Variants in P3H2 observed in about 807,000 individuals in gnomAD.
P3H2 encodes prolyl 3-hydroxylase 2.
Under a neutral mutation model 87.0 loss-of-function variants are expected in P3H2, and 80 were observed. The ratio of observed to expected loss-of-function variants is 0.92; its 90% CI spans 0.77 to 1.11. The LOEUF (loss-of-function observed/expected upper bound fraction) is 1.11, where lower values mean the gene tolerates loss of function less well. Ranked by LOEUF, P3H2 falls within the 50% of genes least tolerant of loss-of-function variation. The probability of loss-of-function intolerance (pLI) is 0.00; values close to 1 mark genes in which losing one functional copy is unlikely to be tolerated. For missense variants in P3H2, 1,001 were observed against 923.9 expected (o/e 1.08, Z -1.08); for synonymous variants, 367 against 359.3 (o/e 1.02, Z -0.24).
At chr3:190,068,885 TA>T (rs1359020712) in intron 1 of P3H2, among the ~76,000 whole-genome samples, 1 of 152,180 alleles carries the variant, frequency 6.6e-6, no homozygotes, top group Admixed American at 6.6e-5. Context: ...ATAAGACTTT[TA>T]CAAAAAAATT....
chr3:190,012,698 C>G (rs927595358), intron 1 of P3H2, among the ~76,000 whole-genome samples: 2 of 152,162 alleles, frequency 1.3e-5, no homozygotes, highest in African/African-American at 2.4e-5. Flanking sequence ...ACAACTAAAT[C>G]CCATATGATC....
At chr3:190,007,530 A>G (rs2108931915) in intron 1 of P3H2, among the ~76,000 whole-genome samples, 1 of 152,220 alleles carries the variant, frequency 6.6e-6, no homozygotes, top group South Asian at 2.1e-4. Context: ...ATATCGAGCA[A>G]AGTCTTCACT....
intron 13 of P3H2, 117 bp downstream of exon 13, chr3:189,970,699 C>A: frequency 1.4e-6 from 1 of 701,188 alleles, no homozygotes; most frequent in South Asian, 1.6e-5. Flanking sequence ...ACTCTCTTAA[C>A]CTCTTGAAAT....
chr3:190,051,731 T>C (rs1725990237), intron 1 of P3H2, among the ~76,000 whole-genome samples: 1 of 152,244 alleles, frequency 6.6e-6, no homozygotes, highest in Non-Finnish European at 1.5e-5. Flanking sequence ...CAAGATCTAA[T>C]CTGCCAGGTT....
chr3:189,972,089 A>G, intron 11 of P3H2, 82 bp from the exon 12 acceptor site: 1 of 853,244 alleles, frequency 1.2e-6, no homozygotes, highest in South Asian at 1.4e-5. Flanking sequence ...CTCTTCTCCC[A>G]GTCCTGATGA....
intron 1 of P3H2, among the ~76,000 whole-genome samples, chr3:190,034,039 A>G (rs1560371391): frequency 6.6e-6 from 1 of 152,240 alleles, no homozygotes; most frequent in Non-Finnish European, 1.5e-5. Context: ...CACGTTACAG[A>G]ATACTTTCGT....
intron 6 of P3H2, among the ~76,000 whole-genome samples, chr3:189,984,951 A>G (rs1470576482): frequency 1.3e-5 from 2 of 152,136 alleles, no homozygotes; most frequent in African/African-American, 4.8e-5. Flanking sequence ...CAAGCAAACA[A>G]AATTGAGCTT....
intron 1 of P3H2, among the ~76,000 whole-genome samples, chr3:190,068,292 A>G (rs565225121): frequency 7.9e-5 from 12 of 152,268 alleles, no homozygotes; most frequent in Non-Finnish European, 1.6e-4. Flanking sequence ...AACAATAGCT[A>G]AGTAACAAGT....
At chr3:189,970,604 C>G (rs186568828) in intron 13 of P3H2, among the ~76,000 whole-genome samples, 1 of 152,054 alleles carries the variant, frequency 6.6e-6, no homozygotes, top group East Asian at 1.9e-4. Context: ...TGATTAATAT[C>G]TCAATTCTTT....
intron 1 of P3H2, among the ~76,000 whole-genome samples, chr3:190,103,559 A>G (rs1315403661): frequency 1.3e-5 from 2 of 152,204 alleles, no homozygotes; most frequent in Admixed American, 1.3e-4. Flanking sequence ...TGAAGAGTTA[A>G]ATCACAGTGT....
chr3:190,075,482 T>C (rs1482929994), intron 1 of P3H2, among the ~76,000 whole-genome samples: 1 of 131,960 alleles, frequency 7.6e-6, no homozygotes, highest in Non-Finnish European at 1.6e-5. Flanking sequence ...GGAAACTCCG[T>C]CTCAAAAAAA....
intron 1 of P3H2, among the ~76,000 whole-genome samples, chr3:190,102,282 T>C (rs899809796): frequency 6.6e-6 from 1 of 152,210 alleles, no homozygotes; most frequent in Non-Finnish European, 1.5e-5. Context: ...ATGACTGCCA[T>C]AGATAGTAAT....
chr3:190,066,143 G>GTATATATATATA (rs60898721), intron 1 of P3H2, among the ~76,000 whole-genome samples: 38 of 138,802 alleles, frequency 2.7e-4, no homozygotes, highest in African/African-American at 1.0e-3. Context: ...ACTGTGGTGT[G>GTATATATATATA]TATATATATA....
rs188540516 is a variant in P3H2 at position 189,993,065 on chromosome 3, G to A, written c.823+1029C>T. Among the ~76,000 whole-genome samples, 34 of 152,092 alleles carry A rather than the reference G, an allele frequency of 2.2e-4. No individual in the cohort carries two copies. The East Asian group carries it at 3.7e-3, about 16-fold the overall frequency. ...CTGCTGGGCGTGCTGGCTCACGCCC[G>A]TAATCCCAGTACTTTGGGAAGCCGA... On this transcript the variant is annotated intron_variant, in intron 3 of 14. Coordinates refer to ENST00000319332, the MANE Select transcript of P3H2 (RefSeq NM_018192.4).
At chr3:190,061,173 A>G (rs574462065) in intron 1 of P3H2, among the ~76,000 whole-genome samples, 1 of 151,930 alleles carries the variant, frequency 6.6e-6, no homozygotes, top group South Asian at 2.1e-4. Context: ...TTCTTCCTCC[A>G]CTCTTCATCC....
At chr3:189,996,557 C>A (rs1724057941) in intron 1 of P3H2, among the ~76,000 whole-genome samples, 1 of 152,108 alleles carries the variant, frequency 6.6e-6, no homozygotes, top group African/African-American at 2.4e-5. Flanking sequence ...AGTAGGATAA[C>A]AATAGCTAAC....
In P3H2 at chr3:190,020,465, T is replaced by C. The variant is rs1724900208; in HGVS notation, c.481-25023A>G. Among the ~76,000 whole-genome samples, 4 of 134,464 alleles carry C rather than the reference T, an allele frequency of 3.0e-5. 1 individual carries two copies. In the Admixed American group the frequency reaches 3.0e-4, roughly 10 times the overall value. The allele number at this position is 134,464 out of a possible 152,430, so 88.2% of individuals were successfully genotyped here. A position where few individuals can be genotyped will look rare whatever the true frequency, so the allele number is the denominator to read the frequency against. On this transcript the variant is annotated intron_variant, in intron 1 of 14. Coordinates refer to ENST00000319332, the MANE Select transcript of P3H2 (RefSeq NM_018192.4). Reference sequence around the variant, plus strand: ...CAGCTTACTGGATTCCCAAATATAGTATTAATATCAGTGGTAACTTCAAAG... The same window carrying C: ...CAGCTTACTGGATTCCCAAATATAGCATTAATATCAGTGGTAACTTCAAAG...
intron 1 of P3H2, among the ~76,000 whole-genome samples, chr3:190,016,228 C>T (rs1382461948): frequency 6.6e-6 from 1 of 151,948 alleles, no homozygotes; most frequent in Non-Finnish European, 1.5e-5. Flanking sequence ...ACACCAAATC[C>T]TAATTTTTAT....
At chr3:190,048,348 T>G (rs7634275) in intron 1 of P3H2, among the ~76,000 whole-genome samples, 31,835 of 151,964 alleles carry the variant, frequency 0.21, 5,286 homozygotes, top group African/African-American at 0.47. Flanking sequence ...AATACAAAAG[T>G]TATCTGGGCA....
Sources: allele counts gnomAD v4.1 joint callset (sites outside exome capture counted in the v4.1 genomes callset), GRCh38; gene constraint gnomAD v4.1.1; transcripts MANE v1.5; gene names NCBI Gene and HGNC (gene_info 2026-07-23, HGNC 2026-07-21).